The following MOV10 variants were observed in gnomAD, a reference collection of about 807,000 sequenced individuals.
MOV10 encodes the protein RNA helicase MOV-10.
Under a neutral mutation model 108.4 loss-of-function variants are expected in MOV10, and 39 were observed. The observed-to-expected ratio is 0.36, with a 90% CI of 0.28 to 0.47. The LOEUF (loss-of-function observed/expected upper bound fraction) is 0.47. Ranked by LOEUF, MOV10 falls within the 20% of genes least tolerant of loss-of-function variation. The probability of loss-of-function intolerance (pLI) is 1.00; values close to 1 mark genes in which losing one functional copy is unlikely to be tolerated. For synonymous variants in MOV10, 490 were observed against 523.1 expected, an observed-to-expected ratio of 0.94 and a Z score of 0.86; for missense variants, 952 against 1,297.6, an observed-to-expected ratio of 0.73 and a Z score of 4.09.
chr1:112,698,919 G>A (rs1674366336), intron 17 of MOV10, 130 bp downstream of exon 17: 1 of 784,754 alleles, frequency 1.3e-6, no homozygotes, highest in African/African-American at 1.7e-5. Flanking sequence ...TAGAGCTCGA[G>A]CTCTCCCTGA....
chr1:112,698,587 CG>C (rs1557772743), intron 16 of MOV10, 109 bp downstream of exon 16: 2 of 1,439,610 alleles, frequency 1.4e-6, no homozygotes, highest in African/African-American at 1.4e-5. Flanking sequence ...CTGCTGGCTC[CG>C]TATCTCAGAA....
chr1:112,692,701 G>T, intron 6 of MOV10, 60 bp from the exon 7 acceptor site: 1 of 1,595,252 alleles, frequency 6.3e-7, no homozygotes, highest in African/African-American at 1.3e-5. Flanking sequence ...CCTGGGCATA[G>T]GGGTTGTCTG....
rs1297099658 is a variant in MOV10, at chr1:112,694,980, C to G, written c.1620+84C>G. The G allele has an allele frequency of 6.9e-7, 1 of 1,451,594 alleles. No homozygotes were observed. Among genetic ancestry groups the G allele is most frequent in the Non-Finnish European group, 9.3e-7 (1 of 1,075,146 alleles). The allele number at this position is 1,451,594 out of a possible 1,614,324, so 89.9% of individuals were successfully genotyped here. Reference sequence around the variant, plus strand: ...GTCCCCAGATTCTAGTTCCTTCCCACTCCCGAAATGCTCCTGCTTCTAAGC... The same window carrying G: ...GTCCCCAGATTCTAGTTCCTTCCCAGTCCCGAAATGCTCCTGCTTCTAAGC... On this transcript the variant is annotated intron_variant, in intron 10 of 20. Transcript: ENST00000369645. This position sits in a 1 kb window ranked among gnomAD's most constrained non-coding sequence, Gnocchi z 4.1.
chr1:112,696,782 C>A lies in MOV10; in HGVS notation c.2134C>A (p.Leu712Met). The A allele has an allele frequency of 6.2e-7, 1 of 1,606,160 alleles. No individual in the cohort carries two copies. Among genetic ancestry groups the A allele is most frequent in the East Asian group, 2.2e-5 (1 of 44,726 alleles). Residue 712 changes from leucine (L) to methionine (M), a missense_variant, in exon 14 of 21, where the codon CTG becomes ATG. Physicochemically the swap from Leu to Met is conservative, Grantham distance 15. Transcript: ENST00000369645. The stretch of plus-strand genomic sequence containing the variant: ...GGAGCGGCTGCTCACCTACAACTCC[C>A]TGTACAAGAAGGGCCCTGATGGCTA... ...LLERLLTYNSLYKKGPDGYDP... is the reference protein window; with the variant it reads ...LLERLLTYNSMYKKGPDGYDP...
rs1352950580 is a variant in MOV10, at chr1:112,699,723, C to G, written c.2622C>G (p.Ser874Arg). The change falls in exon 18 of 21, where the codon AGC (serine) becomes AGG (arginine). Residue 874 changes from serine to arginine, a missense_variant. Physicochemically the swap from Ser to Arg is moderately radical, Grantham distance 110. This residue lies in a region of MOV10 where 65 missense variants were observed against 124.3 expected (regional missense o/e 0.52). Transcript: ENST00000369645. The stretch of plus-strand genomic sequence containing the variant: ...AAGAATTCCAAGGCCAAGAACGAAG[C>G]GTCATCCTCATCTCCACCGTGCGAA... ...SVEEFQGQERSVILISTVRSS... is the reference protein window; with the variant it reads ...SVEEFQGQERRVILISTVRSS... 1.2e-6 allele frequency: 2 copies of G among 1,614,106 alleles called. No homozygotes were observed. The highest frequency in any genetic ancestry group is 1.3e-5 in the African/African-American group (1 of 74,918).
intron 12 of MOV10, 43 bp downstream of exon 12, chr1:112,696,294 T>C: frequency 6.7e-7 from 1 of 1,497,716 alleles, no homozygotes; most frequent in Non-Finnish European, 9.3e-7. Context: ...GTAAGTGTAA[T>C]TAAAGGGGTA....
Position 112,674,906 on chromosome 1 carries a change from C to T in MOV10, c.-7C>T. 1 of 1,555,486 alleles carries T rather than the reference C, an allele frequency of 6.4e-7. No homozygotes were observed. Among genetic ancestry groups the T allele is most frequent in the Non-Finnish European group, 8.7e-7 (1 of 1,155,688 alleles). ...ACCCTCCTGCCTGGGCCGCAGCCGC[C>T]GCCGCGATGCCCAGTAAGTTCAGCT... is the stretch of plus-strand genomic sequence containing the variant. On this transcript the variant is annotated 5_prime_UTR_variant, in exon 2 of 21. Transcript: ENST00000369645.
chr1:112,683,921 GGTTTT>G (rs1426230029), intron 2 of MOV10, among the ~76,000 whole-genome samples: 1 of 151,724 alleles, frequency 6.6e-6, no homozygotes, highest in Non-Finnish European at 1.5e-5. Flanking sequence ...GGTTTTGTGG[GGTTTT>G]GTTTTATCTT....
intron 17 of MOV10, chr1:112,699,078 G>A: frequency 2.5e-6 from 1 of 404,904 alleles, no homozygotes; most frequent in Non-Finnish European, 4.5e-6. Flanking sequence ...GGCCTGTCAT[G>A]TGATGCTGCC....
In MOV10 at chr1:112,695,562, T is replaced by C. The variant is rs752882418; in HGVS notation, c.1767T>C (p.Pro589=). 3.7e-6 allele frequency: 6 copies of C among 1,613,810 alleles called. No individual in the cohort carries two copies. The East Asian group carries it at 8.9e-5, about 24-fold the overall frequency. Residue 589 remains proline, a synonymous_variant, in exon 11 of 21, where the codon CCT becomes CCC. Transcript: ENST00000369645. ...LAPSRDIRMV[P]EDIKPCCNWD... The stretch of plus-strand genomic sequence containing the variant: ...CCAGCAGGGACATCCGCATGGTACC[T>C]GAGGACATCAAGGTACTAGGGAAGT...
intron 2 of MOV10, among the ~76,000 whole-genome samples, chr1:112,681,857 TTTATG>T (rs1049126016): frequency 4.0e-5 from 6 of 151,014 alleles, no homozygotes; most frequent in Non-Finnish European, 8.8e-5. Flanking sequence ...GAGTTCAAAA[TTTATG>T]TTATGTTTGC....
At chr1:112,691,456 A>G (rs1472348887) in intron 5 of MOV10, among the ~76,000 whole-genome samples, 6 of 152,156 alleles carry the variant, frequency 3.9e-5, no homozygotes, top group Non-Finnish European at 8.8e-5. Flanking sequence ...TTTTTTCTCT[A>G]GTGATCATTT....
intron 5 of MOV10, 54 bp from the exon 6 acceptor site, chr1:112,691,611 T>C (rs528310244): frequency 1.3e-6 from 2 of 1,589,002 alleles, no homozygotes; most frequent in East Asian, 2.3e-5. Context: ...AGGGGCGTTC[T>C]CAGAGTGTTG....
chr1:112,689,396 T>C lies in MOV10; in HGVS notation c.342-19T>C. 4 of 651,274 alleles carry C rather than the reference T, an allele frequency of 6.1e-6. No homozygotes were observed. Among genetic ancestry groups the C allele is most frequent in the Non-Finnish European group, 1.1e-5 (4 of 363,854 alleles). 40.3% of individuals were successfully genotyped at this position (651,274 alleles called of 1,614,324 possible). A position where few individuals can be genotyped will look rare whatever the true frequency, so the allele number is the denominator to read the frequency against. On this transcript the variant is annotated intron_variant, in intron 3 of 20. Coordinates refer to ENST00000369645, the MANE Select transcript of MOV10 (RefSeq NM_001321324.2). ...GACCGCTCCCACCCCAACCCCCCCT[T>C]GACTCCCCTTCTCCCCAGGGCTGAG...
chr1:112,681,829 C>T (rs1050185729), intron 2 of MOV10, among the ~76,000 whole-genome samples: 3 of 150,528 alleles, frequency 2.0e-5, no homozygotes, highest in African/African-American at 5.0e-5. Context: ...AATTATTTAG[C>T]GTGATTATTA....
At position 112,691,655 on chromosome 1, in the gene MOV10, G is replaced by C; in HGVS notation, c.837-10G>C. 1 of 1,611,266 alleles carries C rather than the reference G, an allele frequency of 6.2e-7. No homozygotes were observed. The highest frequency in any genetic ancestry group is 8.5e-7 in the Non-Finnish European group (1 of 1,177,866). ...GGGGTTTTCTGTGTTTTCTTCCCTC[G>C]ATTCTGCAGCGCTAAGGGCTATGAC... On this transcript the variant is annotated splice_polypyrimidine_tract_variant and intron_variant, in intron 5 of 20. Transcript: ENST00000369645.
intron 2 of MOV10, among the ~76,000 whole-genome samples, chr1:112,678,674 C>G (rs1672388730): frequency 6.6e-6 from 1 of 152,032 alleles, no homozygotes; most frequent in Non-Finnish European, 1.5e-5. Context: ...CAGGCAGGAA[C>G]AGCACCTTCA....
chr1:112,685,746 G>A (rs577055635), intron 2 of MOV10, among the ~76,000 whole-genome samples: 167 of 151,806 alleles, frequency 1.1e-3, no homozygotes, highest in Non-Finnish European at 2.0e-3. Flanking sequence ...GCTTTTTTCC[G>A]ACAAGAATAT....
upstream of MOV10, chr1:112,674,538 G>T: frequency 6.1e-6 from 1 of 163,400 alleles, no homozygotes; most frequent in Non-Finnish European, 1.3e-5. Flanking sequence ...GGTAGCCCTG[G>T]CTGAGGCTCG....
Sources: allele counts gnomAD v4.1 joint callset (sites outside exome capture counted in the v4.1 genomes callset), GRCh38; gene constraint gnomAD v4.1.1; regional missense constraint gnomAD v4.1.1; non-coding constraint Gnocchi (gnomAD v3.1); transcripts MANE v1.5; gene names NCBI Gene and HGNC (gene_info 2026-07-23, HGNC 2026-07-21).